The following GRM8 variants were observed in gnomAD, a reference collection of about 807,000 sequenced individuals.
The protein encoded by GRM8 is metabotropic glutamate receptor 8.
In GRM8, 47 loss-of-function variants were observed where a neutral mutation model predicts 87.2. The observed-to-expected ratio is 0.54, with a 90% CI of 0.43 to 0.69. The LOEUF is 0.69. GRM8 is among the 30% of genes least tolerant of loss of function. GRM8 has a pLI of 0.00. For synonymous variants in GRM8, 396 were observed against 404.5 expected, an observed-to-expected ratio of 0.98 and a Z score of 0.25; for missense variants, 1,019 against 1,139.2, an observed-to-expected ratio of 0.89 and a Z score of 1.52.
At chr7:126,808,266 A>C (rs1341663411) in intron 6 of GRM8, among the ~76,000 whole-genome samples, 1 of 152,208 alleles carries the variant, frequency 6.6e-6, no homozygotes, top group Non-Finnish European at 1.5e-5. Flanking sequence ...AGAGACCTGC[A>C]GATCAAACAG....
chr7:127,239,464 G>A (rs1798163287), intron 2 of GRM8, among the ~76,000 whole-genome samples: 1 of 152,162 alleles, frequency 6.6e-6, no homozygotes. Context: ...CATATTTTTA[G>A]ATTCTGTGGG....
intron 9 of GRM8, among the ~76,000 whole-genome samples, chr7:126,497,947 A>T (rs1459594537): frequency 6.6e-6 from 1 of 151,948 alleles, no homozygotes; most frequent in African/African-American, 2.4e-5. Context: ...AGTGCAAGGG[A>T]ATAATTGGAG....
intron 3 of GRM8, among the ~76,000 whole-genome samples, chr7:126,996,710 A>T (rs1043094116): frequency 7.9e-5 from 12 of 152,188 alleles, no homozygotes; most frequent in African/African-American, 2.9e-4. Flanking sequence ...TTGTTATACA[A>T]TGGCAAATGG....
At chr7:126,948,569 T>A (rs1265858621) in intron 3 of GRM8, among the ~76,000 whole-genome samples, 1 of 151,702 alleles carries the variant, frequency 6.6e-6, no homozygotes, top group African/African-American at 2.4e-5. Context: ...GGCATGGCTA[T>A]CCTTGCTTTC....
rs1354172260 is a variant in GRM8 at position 126,557,933 on chromosome 7, A to T, written c.1495-24046T>A. On this transcript the variant is annotated intron_variant, in intron 8 of 10. Coordinates refer to ENST00000339582, the MANE Select transcript of GRM8 (RefSeq NM_000845.3). ...GTTTTAAACTATAAATTATAAAGGA[A>T]TTCTGGTTTCACAAAATAATAAATC... Among the ~76,000 whole-genome samples the T allele has an allele frequency of 5.3e-5, 8 of 151,882 alleles. No individual in the cohort carries two copies. In the East Asian group the frequency reaches 1.4e-3, roughly 26 times the overall value.
chr7:126,547,417 A>G lies in GRM8; in HGVS notation c.1495-13530T>C, dbSNP rs184529492. 3.0e-4 allele frequency among the ~76,000 whole-genome samples: 45 copies of G among 152,184 alleles called. No homozygotes were observed. In the East Asian group the frequency reaches 7.9e-3, roughly 27 times the overall value. ...AGGAAATTTCTATTAAAAAATTCAG[A>G]AAGCATAAAAGAATAAATTAACTAT... On this transcript the variant is annotated intron_variant, in intron 8 of 10. Transcript: ENST00000339582.
chr7:126,961,160 A>G (rs1311310160), intron 3 of GRM8, among the ~76,000 whole-genome samples: 1 of 152,206 alleles, frequency 6.6e-6, no homozygotes, highest in Non-Finnish European at 1.5e-5. Context: ...GATAACAGAA[A>G]TCCTTTCTCT....
At chr7:126,854,707 T>C (rs1424878791) in intron 6 of GRM8, among the ~76,000 whole-genome samples, 2 of 152,224 alleles carry the variant, frequency 1.3e-5, no homozygotes, top group Non-Finnish European at 2.9e-5. Flanking sequence ...AAGTAATTTC[T>C]GTCTTTACTG....
chr7:127,002,275 C>T (rs965135594), intron 3 of GRM8, among the ~76,000 whole-genome samples: 1 of 151,564 alleles, frequency 6.6e-6, no homozygotes, highest in African/African-American at 2.4e-5. Context: ...GAGGCTGTGA[C>T]AGAGTGCATC....
chr7:127,222,267 G>A (rs528183409), intron 2 of GRM8, among the ~76,000 whole-genome samples: 11 of 152,320 alleles, frequency 7.2e-5, no homozygotes, highest in African/African-American at 2.6e-4. Context: ...AAGTAGCTGG[G>A]CGTGGTGGCA....
chr7:126,756,550 C>G (rs10215590), intron 7 of GRM8, among the ~76,000 whole-genome samples: 59,343 of 151,802 alleles, frequency 0.39, 12,787 homozygotes, highest in Non-Finnish European at 0.48. Flanking sequence ...TCAAAATATA[C>G]AAAGAGCCCT....
At chr7:126,772,762 C>T (rs916757188) in intron 6 of GRM8, among the ~76,000 whole-genome samples, 19 of 152,060 alleles carry the variant, frequency 1.2e-4, no homozygotes, top group East Asian at 3.9e-4. Context: ...CCAATATTTA[C>T]GCATTTCAAA....
At chr7:126,630,615 A>T (rs1408888105) in intron 7 of GRM8, among the ~76,000 whole-genome samples, 2 of 152,144 alleles carry the variant, frequency 1.3e-5, no homozygotes, top group Non-Finnish European at 2.9e-5. Flanking sequence ...GATGAACATC[A>T]ATGGAAAAAC....
At chr7:127,140,936 C>T (rs1828226800) in intron 2 of GRM8, among the ~76,000 whole-genome samples, 1 of 152,036 alleles carries the variant, frequency 6.6e-6, no homozygotes, top group African/African-American at 2.4e-5. Context: ...CTGTATGATC[C>T]TCTAGGATTA....
intron 1 of GRM8, among the ~76,000 whole-genome samples, chr7:127,246,881 C>A (rs1187023992): frequency 6.6e-6 from 1 of 152,206 alleles, no homozygotes; most frequent in African/African-American, 2.4e-5. Flanking sequence ...GAAAAGAAGG[C>A]TCAGAGGGAT....
At chr7:126,604,735 A>G (rs1324036018) in intron 8 of GRM8, among the ~76,000 whole-genome samples, 2 of 152,136 alleles carry the variant, frequency 1.3e-5, no homozygotes, top group Non-Finnish European at 2.9e-5. Flanking sequence ...TGCATCTACT[A>G]TTCATAATAA....
At chr7:126,885,724 T>A (rs1800427793) in intron 6 of GRM8, among the ~76,000 whole-genome samples, 1 of 152,178 alleles carries the variant, frequency 6.6e-6, no homozygotes, top group Non-Finnish European at 1.5e-5. Flanking sequence ...TAATTTTAAA[T>A]TTTTGAATAC....
At chr7:126,525,454 T>G (rs938098314) in intron 9 of GRM8, among the ~76,000 whole-genome samples, 2 of 152,174 alleles carry the variant, frequency 1.3e-5, no homozygotes, top group Non-Finnish European at 2.9e-5. Flanking sequence ...TACATTAAGG[T>G]TGGAGCAGAA....
At chr7:126,501,969 A>G (rs1370748848) in intron 9 of GRM8, among the ~76,000 whole-genome samples, 1 of 151,944 alleles carries the variant, frequency 6.6e-6, no homozygotes, top group African/African-American at 2.4e-5. Flanking sequence ...AGGGCTTGAT[A>G]ACTTGATATG....
Sources: allele counts gnomAD v4.1 joint callset (sites outside exome capture counted in the v4.1 genomes callset), GRCh38; gene constraint gnomAD v4.1.1; transcripts MANE v1.5; gene names NCBI Gene and HGNC (gene_info 2026-07-23, HGNC 2026-07-21).